Variants in CDK13 observed in about 807,000 individuals in gnomAD.
CDK13 encodes cyclin-dependent kinase 13.
CDK13 carries 40 observed loss-of-function variants against 137.6 expected under a neutral mutation model. The observed-to-expected ratio is 0.29, with a 90% confidence interval of 0.23 to 0.38. CDK13 has a LOEUF of 0.38. Ranked by LOEUF, CDK13 falls within the 10% of genes least tolerant of loss-of-function variation. CDK13 has a pLI of 1.00. For missense variants in CDK13, 1,704 were observed against 1,951.8 expected, an observed-to-expected ratio of 0.87 and a Z score of 2.39; for synonymous variants, 869 against 760.1, an observed-to-expected ratio of 1.14 and a Z score of -2.36.
At position 39,999,438 on chromosome 7, in the gene CDK13, T is replaced by C; in HGVS notation, c.2120T>C (p.Ile707Thr). 6.2e-7 allele frequency: 1 copy of C among 1,613,152 alleles called. No individual in the cohort carries two copies. The highest frequency in any genetic ancestry group is 8.5e-7 in the Non-Finnish European group (1 of 1,179,440). The change falls in exon 4 of 14, where the codon ATC becomes ACC. Residue 707 changes from isoleucine (I) to threonine (T), a missense_variant. Physicochemically the swap from Ile to Thr is moderately conservative, Grantham distance 89. Coordinates refer to ENST00000181839, the MANE Select transcript of CDK13 (RefSeq NM_003718.5). ...WGKRCVDKFD[I>T]IGIIGEGTYG... is the part of the protein sequence containing the mutation. ...AAACGCTGCGTGGATAAATTTGATA[T>C]CATCGGAATTATTGGAGAAGGTACT...
rs79950622 is a variant in CDK13, at chr7:40,026,974, C to A, written c.2354-18862C>A. On this transcript the variant is annotated intron_variant, in intron 5 of 13. Transcript: ENST00000181839. ...ATTCGCACCTTTCTGATAAATAATG[C>A]TAACCGTGTATGTAAATTTTAAATG... Among the ~76,000 whole-genome samples, 371 of 152,084 alleles carry A rather than the reference C, an allele frequency of 2.4e-3. 2 individuals carry two copies. Among genetic ancestry groups the A allele is most frequent in the Non-Finnish European group, 3.7e-3 (251 of 68,016 alleles).
intron 5 of CDK13, among the ~76,000 whole-genome samples, chr7:40,044,916 A>C (rs568666403): frequency 6.6e-6 from 1 of 152,286 alleles, no homozygotes; most frequent in South Asian, 2.1e-4. Flanking sequence ...GATTACAGGC[A>C]TGAGCCACTG....
intron 5 of CDK13, among the ~76,000 whole-genome samples, chr7:40,015,713 G>A (rs897316133): frequency 2.6e-5 from 4 of 151,984 alleles, no homozygotes; most frequent in Non-Finnish European, 5.9e-5. Flanking sequence ...TTATTATGTG[G>A]AGATCAGACC....
chr7:40,074,392 A>G (rs987923077), intron 9 of CDK13, among the ~76,000 whole-genome samples: 2 of 152,034 alleles, frequency 1.3e-5, no homozygotes, highest in Non-Finnish European at 2.9e-5. Flanking sequence ...GTGTGGTGGC[A>G]GGTGCTTGTA....
intron 1 of CDK13, among the ~76,000 whole-genome samples, chr7:39,961,567 C>A (rs1480237217): frequency 6.6e-6 from 1 of 152,010 alleles, no homozygotes; most frequent in Non-Finnish European, 1.5e-5. Flanking sequence ...TTTGAATTTT[C>A]TAGATTCCAC....
chr7:40,007,962 A>G (rs1008988571), intron 5 of CDK13, among the ~76,000 whole-genome samples: 7 of 152,184 alleles, frequency 4.6e-5, no homozygotes, highest in African/African-American at 7.2e-5. Context: ...CATTCTAATT[A>G]TTAGTGTCAT....
chr7:39,961,634 C>T (rs1178857384), intron 1 of CDK13, among the ~76,000 whole-genome samples: 3 of 147,248 alleles, frequency 2.0e-5, no homozygotes, highest in Non-Finnish European at 4.5e-5. Context: ...TAATTTACTT[C>T]TTTTTTTTTT....
Position 40,078,814 on chromosome 7 carries a change from C to A in CDK13, c.2992C>A (p.Leu998Ile). 6.6e-7 allele frequency: 1 copy of A among 1,503,896 alleles called. No homozygotes were observed. Among genetic ancestry groups the A allele is most frequent in the Non-Finnish European group, 8.9e-7 (1 of 1,119,718 alleles). The allele number at this position is 1,503,896 out of a possible 1,614,324, so 93.2% of individuals were successfully genotyped here. A position where few individuals can be genotyped will look rare whatever the true frequency, so the allele number is the denominator to read the frequency against. Residue 998 changes from leucine (L) to isoleucine (I), a missense_variant, in exon 11 of 14, where the codon CTC (leucine) becomes ATC (isoleucine). By Grantham distance (5) the Leu-to-Ile change is conservative. Around this residue, in one of 5 missense-constraint regions of CDK13, gnomAD observed 45 missense variants for 57.0 expected, o/e 0.79. Coordinates refer to ENST00000181839, the MANE Select transcript of CDK13 (RefSeq NM_003718.5). ...TGAACAGGCTCTTCAGTGCGAGTTC[C>A]TCCGAGATGTGGAACCCTCAAAAAT... is the stretch of plus-strand genomic sequence containing the variant. The part of the protein sequence containing the change: ...TAEQALQCEF[L>I]RDVEPSKMPP...
chr7:40,046,415 G>A (rs1361558154), intron 6 of CDK13, among the ~76,000 whole-genome samples: 2 of 152,054 alleles, frequency 1.3e-5, no homozygotes, highest in African/African-American at 2.4e-5. Context: ...AAGTAGAGAC[G>A]GGCGGATCAC....
At chr7:39,971,071 C>T (rs1783986916) in intron 1 of CDK13, among the ~76,000 whole-genome samples, 1 of 152,166 alleles carries the variant, frequency 6.6e-6, no homozygotes, top group African/African-American at 2.4e-5. Context: ...GCATTTCTAG[C>T]TGATAAATTT....
In CDK13 at chr7:40,037,204, G is replaced by A. The variant is rs1785504002; in HGVS notation, c.2354-8632G>A. ...TGGCAGTTGTACTTAAAAGATTATG[G>A]TAGAAGCTACTATATCTTGAAGTTT... On this transcript the variant is annotated intron_variant, in intron 5 of 13. Transcript: ENST00000181839. Among the ~76,000 whole-genome samples the A allele has an allele frequency of 2.6e-5, 4 of 152,212 alleles. No individual in the cohort carries two copies. The South Asian group carries it at 8.3e-4, about 31-fold the overall frequency.
chr7:39,959,495 G>T (rs1787540831), intron 1 of CDK13, among the ~76,000 whole-genome samples: 1 of 143,914 alleles, frequency 6.9e-6, no homozygotes, highest in Admixed American at 6.7e-5. Context: ...TTGAGACCGG[G>T]TCTCACTCTG....
At chr7:40,024,588 CT>C (rs1785200920) in intron 5 of CDK13, among the ~76,000 whole-genome samples, 1 of 142,020 alleles carries the variant, frequency 7.0e-6, no homozygotes, top group South Asian at 2.2e-4. Flanking sequence ...GCTTCATAGT[CT>C]TTCTTAGTGG....
intron 5 of CDK13, among the ~76,000 whole-genome samples, chr7:40,007,430 G>A (rs1186700552): frequency 1.3e-5 from 2 of 152,004 alleles, no homozygotes; most frequent in Non-Finnish European, 2.9e-5. Flanking sequence ...TTTTGCTTTG[G>A]TTTGTTTTTG....
intron 5 of CDK13, among the ~76,000 whole-genome samples, chr7:40,012,486 G>A (rs1784915659): frequency 6.6e-6 from 1 of 152,148 alleles, no homozygotes; most frequent in Non-Finnish European, 1.5e-5. Flanking sequence ...TGTAGTCCCA[G>A]CTACTCAGGA....
intron 5 of CDK13, among the ~76,000 whole-genome samples, chr7:40,023,124 A>G (rs1230364182): frequency 2.1e-5 from 3 of 142,984 alleles, no homozygotes; most frequent in East Asian, 2.0e-4. Context: ...ACAGAGTCTT[A>G]CTCTGTTGAC....
chr7:40,052,990 CAAT>C (rs1033507150), intron 7 of CDK13, among the ~76,000 whole-genome samples: 2 of 152,040 alleles, frequency 1.3e-5, no homozygotes, highest in Non-Finnish European at 1.5e-5. Context: ...AGATGAATGA[CAAT>C]AAATAATATG....
chr7:39,994,612 C>G (rs75135088), intron 2 of CDK13, among the ~76,000 whole-genome samples: 16 of 152,192 alleles, frequency 1.1e-4, no homozygotes, highest in African/African-American at 3.9e-4. Flanking sequence ...CAATGTTGCT[C>G]TACAAGAATT....
At chr7:39,979,422 G>A (rs955431197) in intron 1 of CDK13, among the ~76,000 whole-genome samples, 1 of 151,978 alleles carries the variant, frequency 6.6e-6, no homozygotes, top group Non-Finnish European at 1.5e-5. Context: ...CTCCATGTTG[G>A]TCAGGTTGGT....
Sources: gnomAD v4.1 joint callset for allele counts (sites outside exome capture counted in the v4.1 genomes callset) on GRCh38, gnomAD v4.1.1 for gene constraint, gnomAD v4.1.1 regional missense constraint, MANE v1.5 for transcripts, NCBI Gene and HGNC (gene_info 2026-07-23, HGNC 2026-07-21) for gene names.